The following RSPH10B variants were observed in gnomAD, a reference collection of about 807,000 sequenced individuals.
RSPH10B encodes radial spoke head 10 homolog B (Chlamydomonas).
In RSPH10B, 7 loss-of-function variants were observed where a neutral mutation model predicts 52.5. The observed-to-expected ratio is 0.13, with a 90% CI of 0.08 to 0.25. The LOEUF (loss-of-function observed/expected upper bound fraction) is 0.25. RSPH10B is among the 10% of genes least tolerant of loss of function. The pLI is 1.00. For synonymous variants in RSPH10B, 28 were observed against 193.2 expected (o/e 0.14, Z 7.09); for missense variants, 89 against 542.5 (o/e 0.16, Z 8.30).
exon 16 of RSPH10B, chr7:5,935,124 C>T (rs199968167): frequency 7.8e-4 from 8 of 10,244 alleles, no homozygotes; most frequent in Admixed American, 1.7e-3. Context: ...CTCATGACCG[C>T]GCTGGGACTC....
At chr7:5,928,562 G>A (rs1339874920) in intron 17 of RSPH10B, among the ~76,000 whole-genome samples, 168 bp from the exon 20 acceptor site, 1 of 151,266 alleles carries the variant, frequency 6.6e-6, no homozygotes, top group Non-Finnish European at 1.5e-5. Context: ...AACAAGGCAG[G>A]GGCTCAGCAG....
rs1222727609 is a variant in RSPH10B, at chr7:5,927,074, G to GTATATATATA, written c.2433-527_2433-526insTATATATATA. ...TATGTGTGTGTGTGTGTGTATATGT[G>GTATATATATA]TGTGTGTGTGTGTGTGTGTGTGTAT... On this transcript the variant is annotated intron_variant, in intron 18 of 18. Transcript: ENST00000337579. 2.3e-4 allele frequency among the ~76,000 whole-genome samples: 17 copies of GTATATATATA among 74,164 alleles called. No homozygotes were observed. The Middle Eastern group carries it at 0.025, about 109-fold the overall frequency. The allele number at this position is 74,164 out of a possible 152,430, so 48.7% of individuals were successfully genotyped here.
At chr7:5,931,450 G>A (rs1302381083) in intron 17 of RSPH10B, among the ~76,000 whole-genome samples, 1 of 151,520 alleles carries the variant, frequency 6.6e-6, no homozygotes, top group Non-Finnish European at 1.5e-5. Context: ...GGAGGGCCAG[G>A]CGCGGTGGCT....
intron 17 of RSPH10B, among the ~76,000 whole-genome samples, chr7:5,931,732 G>A (rs1218039744): frequency 6.6e-6 from 1 of 151,238 alleles, no homozygotes; most frequent in African/African-American, 2.4e-5. Flanking sequence ...GGGGCGGGTG[G>A]GCTCACACCT....
chr7:5,944,660 T>TAA (rs566809688), intron 11 of RSPH10B, among the ~76,000 whole-genome samples: 2 of 145,646 alleles, frequency 1.4e-5, no homozygotes, highest in African/African-American at 5.2e-5. Flanking sequence ...AAGAGTATGT[T>TAA]AAAAAAAGAC....
intron 6 of RSPH10B, among the ~76,000 whole-genome samples, chr7:5,956,690 T>C (rs553805765): frequency 1.3e-5 from 2 of 150,750 alleles, no homozygotes; most frequent in East Asian, 1.9e-4. Flanking sequence ...CACCTCAGCC[T>C]CCCAAGTAGC....
At chr7:5,943,061 G>A (rs1321458986) in intron 13 of RSPH10B, among the ~76,000 whole-genome samples, 1 of 150,346 alleles carries the variant, frequency 6.7e-6, no homozygotes, top group African/African-American at 2.5e-5. Flanking sequence ...ATATATGCAT[G>A]CCATGGGCCA....
chr7:5,941,967 A>G (rs1160902818), intron 13 of RSPH10B, among the ~76,000 whole-genome samples: 1 of 149,200 alleles, frequency 6.7e-6, no homozygotes, highest in Non-Finnish European at 1.5e-5. Flanking sequence ...ATTCCAGCTC[A>G]TTGCAACCTC....
chr7:5,943,170 T>C, intron 13 of RSPH10B, 154 bp downstream of exon 15: 6 of 1,472,072 alleles, frequency 4.1e-6, no homozygotes, highest in Non-Finnish European at 4.6e-6. Context: ...ACCACTGTTC[T>C]GCCAAGAGAC....
intron 7 of RSPH10B, among the ~76,000 whole-genome samples, chr7:5,955,187 T>C (rs1382732942): frequency 9.6e-5 from 12 of 124,488 alleles, no homozygotes; most frequent in Admixed American, 1.6e-4. Flanking sequence ...AAAAAAGTCA[T>C]GTAATCACCT....
intron 18 of RSPH10B, among the ~76,000 whole-genome samples, chr7:5,927,035 G>A (rs1779476809): frequency 2.0e-5 from 1 of 49,662 alleles, no homozygotes; most frequent in African/African-American, 7.6e-5. Flanking sequence ...GTGTGTGTGT[G>A]TGTGTGTGTG....
At chr7:5,941,853 T>C (rs1323030466) in intron 13 of RSPH10B, among the ~76,000 whole-genome samples, 1 of 146,976 alleles carries the variant, frequency 6.8e-6, no homozygotes, top group African/African-American at 2.5e-5. Context: ...CCTTTTTCGA[T>C]AAACTGTAAT....
At chr7:5,941,580 TA>T (rs1486277336) in intron 13 of RSPH10B, among the ~76,000 whole-genome samples, 1 of 149,186 alleles carries the variant, frequency 6.7e-6, no homozygotes, top group African/African-American at 2.5e-5. Context: ...CTGTCTCTAC[TA>T]AAAAATACAA....
At chr7:5,933,804 C>T (rs28623395) in intron 16 of RSPH10B, among the ~76,000 whole-genome samples, 36,282 of 78,746 alleles carry the variant, frequency 0.46, 5,520 homozygotes, top group East Asian at 0.7. Flanking sequence ...GATTCATATA[C>T]TAATGGCTTT....
intron 17 of RSPH10B, among the ~76,000 whole-genome samples, chr7:5,929,026 T>C (rs1229463073): frequency 1.4e-5 from 2 of 146,244 alleles, no homozygotes; most frequent in Non-Finnish European, 3.0e-5. Flanking sequence ...TTTCTTTTTT[T>C]TTTAAAGACA....
At chr7:5,943,946 G>A (rs1181762071) in exon 12 of RSPH10B, 1 of 1,603,268 alleles carries the variant, frequency 6.2e-7, no homozygotes, top group Admixed American at 1.7e-5. Context: ...AATGTTCTCG[G>A]TCATCAGTTT....
intron 17 of RSPH10B, among the ~76,000 whole-genome samples, chr7:5,928,979 A>G (rs574983818): frequency 1.4e-5 from 2 of 145,240 alleles, no homozygotes; most frequent in African/African-American, 5.2e-5. Flanking sequence ...TTAATTTTCC[A>G]TGTTTCAAGA....
chr7:5,965,238 CAA>C (rs1196148540), intron 2 of RSPH10B, among the ~76,000 whole-genome samples: 1 of 264 alleles, frequency 3.8e-3, no homozygotes, highest in African/African-American at 0.013. Flanking sequence ...TTGTCTCTAC[CAA>C]AAAAAAAAAA....
chr7:5,927,022 C>CAT (rs1779468227), intron 18 of RSPH10B, among the ~76,000 whole-genome samples: 2 of 96,008 alleles, frequency 2.1e-5, no homozygotes, highest in African/African-American at 9.5e-5. Context: ...CCCAAAGTTA[C>CAT]GTGTGTGTGT....
Sources: gnomAD v4.1 joint callset for allele counts (sites outside exome capture counted in the v4.1 genomes callset) on GRCh38, gnomAD v4.1.1 for gene constraint, MANE v1.5 for transcripts, NCBI Gene and HGNC (gene_info 2026-07-23, HGNC 2026-07-21) for gene names.